The following EML6 variants were observed in gnomAD, a reference collection of about 807,000 sequenced individuals.
EML6 encodes EMAP like 6.
In EML6, 154 loss-of-function variants were observed where a neutral mutation model predicts 240.1. The ratio of observed to expected loss-of-function variants is 0.64; its 90% confidence interval spans 0.56 to 0.73. EML6 has a LOEUF of 0.73. EML6 is among the 30% of genes least tolerant of loss of function. The pLI, the probability that EML6 is intolerant of heterozygous loss-of-function variation, is 0.00. For synonymous variants in EML6, 1,148 were observed against 899.0 expected, an observed-to-expected ratio of 1.28 and a Z score of -4.95; for missense variants, 2,964 against 2,474.6, an observed-to-expected ratio of 1.20 and a Z score of -4.20.
chr2:54,807,679 C>G (rs1371626672), intron 2 of EML6, among the ~76,000 whole-genome samples: 1 of 152,174 alleles, frequency 6.6e-6, no homozygotes, highest in African/African-American at 2.4e-5. Context: ...CTATAGACAA[C>G]AGTGAAATGT....
At chr2:54,807,017 AAAT>A (rs1338678599) in intron 2 of EML6, among the ~76,000 whole-genome samples, 1 of 152,214 alleles carries the variant, frequency 6.6e-6, no homozygotes, top group Non-Finnish European at 1.5e-5. Flanking sequence ...TTACTGACAT[AAAT>A]AATATATAAT....
intron 7 of EML6, among the ~76,000 whole-genome samples, chr2:54,843,277 A>T (rs1369969739): frequency 1.3e-5 from 2 of 152,202 alleles, no homozygotes; most frequent in African/African-American, 4.8e-5. Context: ...AAGAAAAAAA[A>T]CTAGTCTAGG....
intron 16 of EML6, among the ~76,000 whole-genome samples, chr2:54,876,817 CA>C (rs1671530563): frequency 6.6e-6 from 1 of 152,060 alleles, no homozygotes; most frequent in Non-Finnish European, 1.5e-5. Flanking sequence ...TCACCTCAAA[CA>C]TTTATCATTT....
intron 16 of EML6, among the ~76,000 whole-genome samples, chr2:54,878,185 G>A (rs749938260): frequency 2.0e-5 from 3 of 152,154 alleles, no homozygotes; most frequent in Non-Finnish European, 1.5e-5. Context: ...GTTTAACAAG[G>A]TTTTCTATAT....
At chr2:54,828,198 G>C (rs1374000509) in intron 6 of EML6, among the ~76,000 whole-genome samples, 2 of 152,190 alleles carry the variant, frequency 1.3e-5, no homozygotes, top group African/African-American at 2.4e-5. Flanking sequence ...TGGTAAGATA[G>C]ATTTTCCTCA....
At chr2:54,792,943 T>A (rs1669535117) in intron 2 of EML6, among the ~76,000 whole-genome samples, 1 of 152,162 alleles carries the variant, frequency 6.6e-6, no homozygotes, top group Non-Finnish European at 1.5e-5. Flanking sequence ...AGTTATAGCA[T>A]CTGAGCTTTT....
chr2:54,895,220 C>G (rs751429713), intron 20 of EML6, 53 bp from the exon 21 acceptor site: 221 of 1,540,710 alleles, frequency 1.4e-4, no homozygotes, highest in Non-Finnish European at 1.8e-4. Context: ...TGAATTTATA[C>G]TAATAAGCAG....
At position 54,948,884 on chromosome 2, in the gene EML6, C is replaced by G; in HGVS notation, c.4007C>G (p.Pro1336Arg). Residue 1336 changes from proline (P) to arginine (R), a missense_variant and splice_region_variant, in exon 29 of 42, where the codon CCA becomes CGA. Coordinates refer to ENST00000356458, the MANE Select transcript of EML6 (RefSeq NM_001039753.4). The stretch of plus-strand genomic sequence containing the variant: ...CCTCTGGCCGCTCTCTCTTCCAGAC[C>G]ACCCGTTAGCCGAGCAGCTCCCCAG... ...QLKEVSVEER[P>R]PVSRAAPQPE... 6.4e-7 allele frequency: 1 copy of G among 1,551,176 alleles called. No individual in the cohort carries two copies. Among genetic ancestry groups the G allele is most frequent in the Non-Finnish European group, 8.7e-7 (1 of 1,146,726 alleles).
At chr2:54,907,329 A>G (rs1212233407) in intron 24 of EML6, among the ~76,000 whole-genome samples, 1 of 152,082 alleles carries the variant, frequency 6.6e-6, no homozygotes, top group Non-Finnish European at 1.5e-5. Flanking sequence ...CAAAATGGTG[A>G]AACCCTATCT....
intron 28 of EML6, among the ~76,000 whole-genome samples, chr2:54,943,780 T>TA (rs1184945533): frequency 6.6e-6 from 1 of 152,228 alleles, no homozygotes; most frequent in African/African-American, 2.4e-5. Flanking sequence ...CTCGATATAT[T>TA]AAAAAATATT....
intron 35 of EML6, among the ~76,000 whole-genome samples, chr2:54,961,695 C>T (rs1434590839): frequency 1.3e-5 from 2 of 151,824 alleles, no homozygotes; most frequent in Non-Finnish European, 2.9e-5. Flanking sequence ...TAAGAATGGA[C>T]AGTTTGTTGT....
At chr2:54,798,744 T>C (rs955277590) in intron 2 of EML6, among the ~76,000 whole-genome samples, 72 of 152,212 alleles carry the variant, frequency 4.7e-4, no homozygotes, top group African/African-American at 1.5e-3. Flanking sequence ...AGTAGACAGT[T>C]TTACTACTTA....
chr2:54,796,360 C>A (rs544176908), intron 2 of EML6, among the ~76,000 whole-genome samples: 1 of 152,228 alleles, frequency 6.6e-6, no homozygotes, highest in Admixed American at 6.5e-5. Context: ...GCTAAATGAC[C>A]TATTTCTTCA....
chr2:54,850,516 G>T (rs1465836069), intron 10 of EML6, among the ~76,000 whole-genome samples: 1 of 151,886 alleles, frequency 6.6e-6, no homozygotes. Context: ...TCTTGCCATT[G>T]TTATAATGGA....
intron 17 of EML6, among the ~76,000 whole-genome samples, chr2:54,886,987 G>T (rs1035534499): frequency 3.3e-5 from 5 of 152,170 alleles, no homozygotes; most frequent in African/African-American, 1.2e-4. Context: ...TAGAGAATTT[G>T]AAAATAACTA....
At chr2:54,817,850 T>G (rs1477075552) in intron 4 of EML6, among the ~76,000 whole-genome samples, 1 of 149,300 alleles carries the variant, frequency 6.7e-6, no homozygotes, top group Non-Finnish European at 1.5e-5. Flanking sequence ...TGGAGGTTTG[T>G]AGTTGTAAGG....
intron 2 of EML6, among the ~76,000 whole-genome samples, chr2:54,801,626 G>A (rs1370068853): frequency 3.3e-5 from 5 of 152,296 alleles, no homozygotes; most frequent in Admixed American, 2.6e-4. Flanking sequence ...AAATACAAAG[G>A]AAAATCGGTG....
intron 2 of EML6, among the ~76,000 whole-genome samples, chr2:54,804,640 C>T (rs1670371911): frequency 1.3e-5 from 2 of 152,202 alleles, no homozygotes; most frequent in Non-Finnish European, 1.5e-5. Flanking sequence ...TCCAGGATCA[C>T]TTTTGTTTTA....
chr2:54,734,962 A>C (rs1388442506), intron 2 of EML6, among the ~76,000 whole-genome samples: 1 of 152,112 alleles, frequency 6.6e-6, no homozygotes, highest in African/African-American at 2.4e-5. Flanking sequence ...TTCCAGCCTG[A>C]TGTCCCTCCC....
Sources: allele counts gnomAD v4.1 joint callset (sites outside exome capture counted in the v4.1 genomes callset), GRCh38; gene constraint gnomAD v4.1.1; transcripts MANE v1.5; gene names NCBI Gene and HGNC (gene_info 2026-07-23, HGNC 2026-07-21).